The following AHNAK variants were observed in gnomAD, a reference collection of about 807,000 sequenced individuals.
AHNAK encodes AHNAK nucleoprotein, also known as neuroblast differentiation-associated protein AHNAK.
A neutral mutation model predicts 37.8 loss-of-function variants in AHNAK; 23 were observed. The observed-to-expected ratio is 0.61, with a 90% CI of 0.44 to 0.86. The LOEUF is 0.86. Among genes scored for constraint, AHNAK ranks in the 40% least tolerant of loss-of-function variants. The pLI, the probability that AHNAK is intolerant of heterozygous loss-of-function variation, is 0.00. For missense variants in AHNAK, 7,411 were observed against 7,319.4 expected, an observed-to-expected ratio of 1.01 and a Z score of -0.46; for synonymous variants, 2,481 against 2,636.3, an observed-to-expected ratio of 0.94 and a Z score of 1.80.
At chr11:62,492,491 T>G (rs1328745711) in intron 4 of AHNAK, among the ~76,000 whole-genome samples, 1 of 152,184 alleles carries the variant, frequency 6.6e-6, no homozygotes, top group East Asian at 1.9e-4. Context: ...TGAAACCAGT[T>G]CGTGGAGAAC....
downstream of AHNAK, among the ~76,000 whole-genome samples, chr11:62,513,312 A>T (rs895557881): frequency 6.6e-5 from 10 of 152,188 alleles, no homozygotes; most frequent in African/African-American, 2.4e-4. Flanking sequence ...CAAGGTAGGC[A>T]GATCACGAGG....
intron 5 of AHNAK, among the ~76,000 whole-genome samples, chr11:62,465,480 G>C (rs1007794076): frequency 1.3e-5 from 2 of 151,964 alleles, no homozygotes; most frequent in East Asian, 1.9e-4. Flanking sequence ...GGGCGTTGTG[G>C]CAGGCGCCTG....
rs751138638 is a variant in AHNAK at position 62,519,051 on chromosome 11, C to T, written c.15366G>A (p.Leu5122=). 1 of 1,613,104 alleles carries T rather than the reference C, an allele frequency of 6.2e-7. No individual in the cohort carries two copies. Residue 5122 remains leucine, a synonymous_variant, in exon 5 of 5, where the codon CTG becomes CTA. Transcript: ENST00000378024. ...KLEGELQAPD[L]ELSLPAIHVE... is the part of the protein sequence containing the mutation. ...CGTGAATCGCTGGCAAAGAAAGTTC[C>T]AGATCAGGTGCCTGGAGTTCACCCT...
chr11:62,444,372 C>T (rs1031409390), intron 5 of AHNAK, among the ~76,000 whole-genome samples: 7 of 152,174 alleles, frequency 4.6e-5, no homozygotes, highest in Non-Finnish European at 1.0e-4. Context: ...GCCAAGGAAG[C>T]TTGTGCCCCA....
intron 5 of AHNAK, among the ~76,000 whole-genome samples, chr11:62,446,568 G>A (rs1755064890): frequency 6.6e-6 from 1 of 152,158 alleles, no homozygotes; most frequent in African/African-American, 2.4e-5. Context: ...AGATGCAGGA[G>A]AGGTGAAGGT....
intron 1 of AHNAK, among the ~76,000 whole-genome samples, chr11:62,543,040 C>T (rs942348953): frequency 3.3e-5 from 5 of 152,110 alleles, no homozygotes; most frequent in African/African-American, 1.2e-4. Flanking sequence ...TAGCTGTAGA[C>T]GGGATCAGCT....
Position 62,517,734 on chromosome 11 carries a change from C to A in AHNAK, c.16683G>T (p.Leu5561Phe), listed in dbSNP as rs1193635792. 3 of 1,614,172 alleles carry A rather than the reference C, an allele frequency of 1.9e-6. No homozygotes were observed. The highest frequency in any genetic ancestry group is 1.6e-4 in the Middle Eastern group (1 of 6,062). ...ASPESDFGIN[L>F]KGPKIKGGAD... ...CACCTCCTTTGATTTTTGGGCCCTT[C>A]AAGTTGATGCCAAAATCTGACTCAG... The change falls in exon 5 of 5, where the codon TTG becomes TTT. Residue 5561 changes from leucine to phenylalanine, a missense_variant. Transcript: ENST00000378024.
chr11:62,537,103 G>A lies in AHNAK; in HGVS notation c.-99-536C>T, dbSNP rs1003425534. 1.9e-4 allele frequency among the ~76,000 whole-genome samples: 29 copies of A among 151,754 alleles called. No individual in the cohort carries two copies. In the South Asian group the frequency reaches 5.0e-3, roughly 26 times the overall value. ...CGAGTAGCTGGGACTACAGGCGCCC[G>A]CCACCATGCACCACACCCGGCTAAT... On this transcript the variant is annotated intron_variant, in intron 1 of 4. Transcript: ENST00000378024.
rs1476453418 is a variant in AHNAK, at chr11:62,533,724, A to C, written c.693T>G (p.Ala231=). The part of the protein sequence containing the change: ...AVDIRAGAIS[A]SGPELQGAGH... ...CAGCACCTTGGAGCTCTGGTCCTGA[A>C]GCAGAAATGGCCCCTGCTCGGATAT... Residue 231 remains alanine (A), a synonymous_variant, in exon 5 of 5, where the codon GCT becomes GCG. Coordinates refer to ENST00000378024, the MANE Select transcript of AHNAK (RefSeq NM_001620.3). 2 of 1,614,008 alleles carry C rather than the reference A, an allele frequency of 1.2e-6. No homozygotes were observed. The highest frequency in any genetic ancestry group is 2.7e-5 in the African/African-American group (2 of 74,902).
At chr11:62,484,513 G>A (rs1008334474) in intron 5 of AHNAK, among the ~76,000 whole-genome samples, 3 of 152,186 alleles carry the variant, frequency 2.0e-5, no homozygotes, top group South Asian at 4.1e-4. Flanking sequence ...ACTTTGTCAA[G>A]GGGAAGAACA....
In AHNAK at chr11:62,521,465, T is replaced by C. The variant is rs1940238282; in HGVS notation, c.12952A>G (p.Lys4318Glu). The C allele has an allele frequency of 6.2e-7, 1 of 1,613,106 alleles. No homozygotes were observed. The highest frequency in any genetic ancestry group is 8.5e-7 in the Non-Finnish European group (1 of 1,179,840). Residue 4318 changes from lysine to glutamate, a missense_variant, in exon 5 of 5, where the codon AAG (lysine) becomes GAG (glutamate). By Grantham distance (56) the Lys-to-Glu change is moderately conservative. Coordinates refer to ENST00000378024, the MANE Select transcript of AHNAK (RefSeq NM_001620.3). ...HGPDWHLKMP[K>E]VKMPKFSMPG... ...ATGCTGAATTTGGGCATTTTCACCT[T>C]GGGCATCTTCAGGTGCCAGTCTGGG...
At position 62,530,981 on chromosome 11, in the gene AHNAK, C is replaced by T; in HGVS notation, c.3436G>A (p.Val1146Met). The T allele has an allele frequency of 6.2e-7, 1 of 1,614,084 alleles. No individual in the cohort carries two copies. Among genetic ancestry groups the T allele is most frequent in the Non-Finnish European group, 8.5e-7 (1 of 1,180,020 alleles). The change falls in exon 5 of 5, where the codon GTG (valine) becomes ATG (methionine). Residue 1146 changes from valine (V) to methionine (M), a missense_variant. Coordinates refer to ENST00000378024, the MANE Select transcript of AHNAK (RefSeq NM_001620.3). ...MPSLKGEGPE[V>M]DVNLPKADVV... Reference sequence around the variant, plus strand: ...TCAGCCTTAGGCAAGTTCACATCCACTTCTGGGCCCTCGCCTTTGAGGCTG... The same window carrying T: ...TCAGCCTTAGGCAAGTTCACATCCATTTCTGGGCCCTCGCCTTTGAGGCTG...
intron 1 of AHNAK, among the ~76,000 whole-genome samples, chr11:62,544,815 T>C (rs1386987953): frequency 6.6e-6 from 1 of 151,948 alleles, no homozygotes; most frequent in East Asian, 1.9e-4. Flanking sequence ...TACCCTGAAT[T>C]ACAGCCAGTA....
Position 62,526,822 on chromosome 11 carries a change from A to G in AHNAK, c.7595T>C (p.Val2532Ala). ...GFKAEGPEVDVNLPKADVDIS... is the reference protein window; with the variant it reads ...GFKAEGPEVDANLPKADVDIS... Reference sequence around the variant, plus strand: ...GTCAACGTCAGCCTTAGGCAAGTTGACGTCTACTTCAGGGCCCTCTGCTTT... The same window carrying G: ...GTCAACGTCAGCCTTAGGCAAGTTGGCGTCTACTTCAGGGCCCTCTGCTTT... The change falls in exon 5 of 5, where the codon GTC becomes GCC. Residue 2532 changes from valine to alanine, a missense_variant. Transcript: ENST00000378024. 6.2e-7 allele frequency: 1 copy of G among 1,613,224 alleles called. No individual in the cohort carries two copies. The highest frequency in any genetic ancestry group is 1.6e-4 in the Middle Eastern group (1 of 6,062).
intron 5 of AHNAK, among the ~76,000 whole-genome samples, chr11:62,463,919 A>G (rs932548264): frequency 5.5e-4 from 77 of 138,748 alleles, no homozygotes; most frequent in African/African-American, 1.9e-3. Flanking sequence ...GCCCGCCACC[A>G]CGCCCGGCTA....
Position 62,524,585 on chromosome 11 carries a change from C to T in AHNAK, c.9832G>A (p.Gly3278Ser), listed in dbSNP as rs771010670. The T allele has an allele frequency of 6.2e-7, 1 of 1,613,860 alleles. No homozygotes were observed. The highest frequency in any genetic ancestry group is 8.5e-7 in the Non-Finnish European group (1 of 1,179,952). Residue 3278 changes from glycine to serine, a missense_variant, in exon 5 of 5, where the codon GGT becomes AGT. Gly to Ser is a moderately conservative substitution (Grantham distance 56, BLOSUM62 0). Transcript: ENST00000378024. ...ATGTCAGGCATCTTCAGTTTTGGAC[C>T]TTTTAATTTGGCATCTGGGCCATGA... Reference protein sequence around the residue: ...DIHGPDAKLKGPKLKMPDMHV... With the variant: ...DIHGPDAKLKSPKLKMPDMHV...
chr11:62,482,937 G>T (rs1418073419), intron 5 of AHNAK, among the ~76,000 whole-genome samples: 2 of 152,122 alleles, frequency 1.3e-5, no homozygotes, highest in Non-Finnish European at 2.9e-5. Context: ...ACCCTTAAGA[G>T]GCCTAGGAGG....
intron 5 of AHNAK, among the ~76,000 whole-genome samples, chr11:62,484,426 G>A (rs984646458): frequency 6.6e-6 from 1 of 152,122 alleles, no homozygotes; most frequent in Non-Finnish European, 1.5e-5. Context: ...GACGCCATAG[G>A]TCAGGGGAAG....
In AHNAK at chr11:62,530,221, C is replaced by T. The variant is rs749096690; in HGVS notation, c.4196G>A (p.Gly1399Asp). 6.2e-7 allele frequency: 1 copy of T among 1,612,876 alleles called. No homozygotes were observed. The highest frequency in any genetic ancestry group is 8.5e-7 in the Non-Finnish European group (1 of 1,179,774). The change falls in exon 5 of 5, where the codon GGC becomes GAC. Residue 1399 changes from glycine to aspartate, a missense_variant. Transcript: ENST00000378024. ...GGGCAGCTTCACATCCACTTCAGGGCCCTCTCCTTTGAAGCCGGGCATGCT... is the reference window on the plus strand; with the variant it reads ...GGGCAGCTTCACATCCACTTCAGGGTCCTCTCCTTTGAAGCCGGGCATGCT... ...KFSMPGFKGE[G>D]PEVDVKLPKA...
Sources: allele counts gnomAD v4.1 joint callset (sites outside exome capture counted in the v4.1 genomes callset), GRCh38; gene constraint gnomAD v4.1.1; transcripts MANE v1.5; gene names NCBI Gene and HGNC (gene_info 2026-07-23, HGNC 2026-07-21).